TBC1D30: variants seen among roughly 807,000 people sequenced by gnomAD.
The protein encoded by TBC1D30 is TBC1 domain family, member 30.
TBC1D30 carries 31 observed loss-of-function variants against 63.2 expected under a neutral mutation model. The ratio of observed to expected loss-of-function variants is 0.49; its 90% CI spans 0.37 to 0.66. The LOEUF (loss-of-function observed/expected upper bound fraction) is 0.66, where lower values mean the gene tolerates loss of function less well. Among genes scored for constraint, TBC1D30 ranks in the 30% least tolerant of loss-of-function variants. The probability of loss-of-function intolerance (pLI) is 0.00; values close to 1 mark genes in which losing one functional copy is unlikely to be tolerated. For missense variants in TBC1D30, 810 were observed against 953.6 expected (o/e 0.85, Z 1.98); for synonymous variants, 307 against 361.5 (o/e 0.85, Z 1.71).
At position 64,824,926 on chromosome 12, in the gene TBC1D30, G is replaced by A. The variant is rs1175106852; in HGVS notation, c.47G>A (p.Cys16Tyr). 1 of 1,534,498 alleles carries A rather than the reference G, an allele frequency of 6.5e-7. No homozygotes were observed. Among genetic ancestry groups the A allele is most frequent in the Non-Finnish European group, 8.7e-7 (1 of 1,146,592 alleles). ...GGGTCTCTGAGGCGCGGGGGGAGAT[G>A]CCTGAAGCGGCAGGGCGGCGGCGTG... is the stretch of plus-strand genomic sequence containing the variant. ...LTGSLRRGGR[C>Y]LKRQGGGVGT... The change falls in exon 1 of 12, where the codon TGC (cysteine) becomes TAC (tyrosine). Residue 16 changes from cysteine (C) to tyrosine (Y), a missense_variant. By Grantham distance (194) the Cys-to-Tyr change is radical. Around this residue, in one of 4 missense-constraint regions of TBC1D30, gnomAD observed 272 missense variants for 335.9 expected, o/e 0.81. Transcript: ENST00000539867.
chr12:64,767,497 A>G (rs1486177092), intron 1 of TBC1D30, among the ~76,000 whole-genome samples: 1 of 152,192 alleles, frequency 6.6e-6, no homozygotes, highest in African/African-American at 2.4e-5. Flanking sequence ...TGGTGAATGC[A>G]TTCTCTTCTG....
intron 8 of TBC1D30, among the ~76,000 whole-genome samples, chr12:64,857,304 G>A (rs1195961843): frequency 6.6e-6 from 1 of 152,144 alleles, no homozygotes; most frequent in East Asian, 1.9e-4. Flanking sequence ...GTCGGCAGGT[G>A]ATGAATCCTG....
rs1565658774 is a variant in TBC1D30 at position 64,824,843 on chromosome 12, CG to C, written c.-35del. 1.3e-6 allele frequency: 2 copies of C among 1,526,472 alleles called. No homozygotes were observed. The highest frequency in any genetic ancestry group is 2.4e-5 in the South Asian group (2 of 82,874). 94.6% of individuals were successfully genotyped at this position (1,526,472 alleles called of 1,614,324 possible). ...GCGAGTGGGGTAGCGGGGACCGAGA[CG>C]GACGGTAGCCGTGCCAGAGCCCGGG... On this transcript the variant is annotated 5_prime_UTR_variant, in exon 1 of 12. Transcript: ENST00000539867.
chr12:64,869,952 C>T (rs944684636), intron 10 of TBC1D30, among the ~76,000 whole-genome samples: 3 of 152,160 alleles, frequency 2.0e-5, no homozygotes, highest in Non-Finnish European at 1.5e-5. Flanking sequence ...GGGTTACTCC[C>T]ACCTAGTATT....
At chr12:64,817,781 G>C (rs1375138337) in intron 2 of TBC1D30, among the ~76,000 whole-genome samples, 1 of 152,112 alleles carries the variant, frequency 6.6e-6, no homozygotes, top group Non-Finnish European at 1.5e-5. Flanking sequence ...AAGAATCTTT[G>C]GGCCTGGCAC....
intron 2 of TBC1D30, among the ~76,000 whole-genome samples, chr12:64,798,026 G>T (rs1430478990): frequency 6.6e-6 from 1 of 152,142 alleles, no homozygotes; most frequent in Non-Finnish European, 1.5e-5. Context: ...TTTTTCATCT[G>T]TAAAATGGAC....
intron 2 of TBC1D30, among the ~76,000 whole-genome samples, chr12:64,812,433 A>G (rs1213792714): frequency 6.6e-6 from 1 of 152,218 alleles, no homozygotes; most frequent in East Asian, 1.9e-4. Flanking sequence ...CTGGCAAATC[A>G]ACAAACTTAT....
chr12:64,786,412 AC>A (rs1204227106), intron 2 of TBC1D30, among the ~76,000 whole-genome samples: 2 of 151,790 alleles, frequency 1.3e-5, no homozygotes, highest in African/African-American at 4.8e-5. Flanking sequence ...GCTGAATACA[AC>A]CTCCGCCTCC....
At chr12:64,841,398 C>T (rs1875855805) in intron 7 of TBC1D30, among the ~76,000 whole-genome samples, 2 of 152,206 alleles carry the variant, frequency 1.3e-5, no homozygotes, top group South Asian at 4.1e-4. Flanking sequence ...TCCCTTGTCA[C>T]CCCATGCCTG....
intron 1 of TBC1D30, among the ~76,000 whole-genome samples, chr12:64,764,480 C>T (rs184609960): frequency 1.3e-5 from 2 of 152,224 alleles, no homozygotes. Context: ...AGTAACAGTG[C>T]CAGACTAATT....
At position 64,866,833 on chromosome 12, in the gene TBC1D30, A is replaced by G; in HGVS notation, c.1221A>G (p.Ala407=). 6.5e-7 allele frequency: 1 copy of G among 1,536,496 alleles called. No homozygotes were observed. The highest frequency in any genetic ancestry group is 8.7e-7 in the Non-Finnish European group (1 of 1,147,004). The change falls in exon 10 of 12, where the codon GCA becomes GCG. Residue 407 remains alanine, a synonymous_variant. Transcript: ENST00000539867. ...DPDDEDAVVN[A]VGCLGPFSGF... is the part of the protein sequence containing the mutation. ...ACGATGAGGATGCTGTCGTTAATGC[A>G]GTGGGGTGTCTTGGACCTTTTAGTG...
chr12:64,877,748 C>T lies in TBC1D30; in HGVS notation c.*1960C>T, dbSNP rs567631330. On this transcript the variant is annotated 3_prime_UTR_variant, in exon 12 of 12. Coordinates refer to ENST00000539867, the MANE Select transcript of TBC1D30 (RefSeq NM_015279.2). The stretch of plus-strand genomic sequence containing the variant: ...AAATGACACCATTTTCTTCCATCAG[C>T]TAAACTTTACAGATAATAGTGTTTC... 1 of 152,384 alleles carries T rather than the reference C, an allele frequency of 6.6e-6. No individual in the cohort carries two copies. The highest frequency in any genetic ancestry group is 1.5e-5 in the Non-Finnish European group (1 of 68,072). 9.4% of individuals were successfully genotyped at this position (152,384 alleles called of 1,614,324 possible).
chr12:64,874,748 G>A (rs1878911145), intron 11 of TBC1D30, among the ~76,000 whole-genome samples: 1 of 151,960 alleles, frequency 6.6e-6, no homozygotes, highest in African/African-American at 2.4e-5. Context: ...TTAGGAATGA[G>A]GGGTCAGATG....
At chr12:64,802,986 A>G (rs1171456830) in intron 2 of TBC1D30, among the ~76,000 whole-genome samples, 2 of 152,176 alleles carry the variant, frequency 1.3e-5, no homozygotes, top group Non-Finnish European at 2.9e-5. Flanking sequence ...TAGCAGCATG[A>G]TTTATAATCC....
At chr12:64,759,606 G>A (rs1344866060) in exon 1 of TBC1D30, 2 of 369,058 alleles carry the variant, frequency 5.4e-6, no homozygotes. Flanking sequence ...GAAAAGGGCG[G>A]AGAACCGGGA....
upstream of TBC1D30, among the ~76,000 whole-genome samples, chr12:64,776,542 T>G (rs1333443549): frequency 6.6e-6 from 1 of 152,036 alleles, no homozygotes; most frequent in African/African-American, 2.4e-5. Flanking sequence ...CATACACCCT[T>G]TTAAGACTGA....
At chr12:64,761,351 G>C (rs1197779378) in intron 1 of TBC1D30, among the ~76,000 whole-genome samples, 1 of 152,144 alleles carries the variant, frequency 6.6e-6, no homozygotes, top group Non-Finnish European at 1.5e-5. Flanking sequence ...TGTCAGAGGC[G>C]ATTGAACCAG....
intron 2 of TBC1D30, among the ~76,000 whole-genome samples, chr12:64,804,603 C>T (rs532990765): frequency 2.0e-4 from 31 of 152,292 alleles, no homozygotes; most frequent in Admixed American, 1.4e-3. Context: ...TTTGCCCATT[C>T]AGTATGATAT....
chr12:64,762,604 A>G (rs573117761), intron 1 of TBC1D30, among the ~76,000 whole-genome samples: 75 of 152,354 alleles, frequency 4.9e-4, no homozygotes, highest in Middle Eastern at 3.4e-3. Context: ...ATATAACGTT[A>G]TAAATTTTTA....
Sources: gnomAD v4.1 joint callset for allele counts (sites outside exome capture counted in the v4.1 genomes callset) on GRCh38, gnomAD v4.1.1 for gene constraint, gnomAD v4.1.1 regional missense constraint, MANE v1.5 for transcripts, NCBI Gene and HGNC (gene_info 2026-07-23, HGNC 2026-07-21) for gene names.